The following SUGP2 variants were observed in gnomAD, a reference collection of about 807,000 sequenced individuals.
The protein encoded by SUGP2 is SURP and G-patch domain-containing protein 2.
SUGP2 carries 24 observed loss-of-function variants against 90.5 expected under a neutral mutation model. The ratio of observed to expected loss-of-function variants is 0.27; its 90% CI spans 0.19 to 0.37. SUGP2 has a LOEUF of 0.37. Among genes scored for constraint, SUGP2 ranks in the 10% least tolerant of loss-of-function variants. The pLI is 1.00. For missense variants in SUGP2, 1,233 were observed against 1,363.3 expected, an observed-to-expected ratio of 0.90 and a Z score of 1.51; for synonymous variants, 473 against 513.4, an observed-to-expected ratio of 0.92 and a Z score of 1.06.
At chr19:19,011,563 T>C (rs2058313814) in intron 4 of SUGP2, among the ~76,000 whole-genome samples, 1 of 152,240 alleles carries the variant, frequency 6.6e-6, no homozygotes, top group East Asian at 1.9e-4. Flanking sequence ...TAATTTCAGC[T>C]ATGATTACCC....
At chr19:19,007,755 CTTTT>C (rs34670209) in intron 6 of SUGP2, among the ~76,000 whole-genome samples, 8 of 113,404 alleles carry the variant, frequency 7.1e-5, no homozygotes, top group Admixed American at 1.9e-4. Flanking sequence ...TGCACCTAGC[CTTTT>C]TTTTTTTTTT....
intron 8 of SUGP2, 81 bp from the exon 9 acceptor site, chr19:18,995,361 C>A: frequency 7.0e-7 from 1 of 1,435,780 alleles, no homozygotes; most frequent in Non-Finnish European, 9.2e-7. Context: ...ATGCCTGGAG[C>A]CCCTCACCCC....
intron 1 of SUGP2, among the ~76,000 whole-genome samples, chr19:19,031,484 AGATCAT>A (rs1378808018): frequency 6.6e-6 from 1 of 151,568 alleles, no homozygotes; most frequent in Non-Finnish European, 1.5e-5. Flanking sequence ...CAGTGGGCCG[AGATCAT>A]GCCACTGCAC....
intron 5 of SUGP2, among the ~76,000 whole-genome samples, chr19:19,009,342 C>T (rs888025536): frequency 2.6e-5 from 4 of 152,048 alleles, no homozygotes; most frequent in Non-Finnish European, 5.9e-5. Flanking sequence ...GGCCAGAGAG[C>T]AGGCCTGTGG....
chr19:19,002,085 ATAAT>A (rs1347595976), intron 7 of SUGP2, among the ~76,000 whole-genome samples: 1 of 152,202 alleles, frequency 6.6e-6, no homozygotes, highest in Non-Finnish European at 1.5e-5. Context: ...TCACTGGGAA[ATAAT>A]TAAAGTCTGG....
intron 5 of SUGP2, among the ~76,000 whole-genome samples, chr19:19,008,986 A>G (rs2058197238): frequency 6.6e-6 from 1 of 152,042 alleles, no homozygotes; most frequent in Non-Finnish European, 1.5e-5. Flanking sequence ...ATCTTGGCTC[A>G]ATGCAACCTC....
intron 2 of SUGP2, among the ~76,000 whole-genome samples, chr19:19,028,762 G>A (rs1486540686): frequency 2.0e-5 from 3 of 151,944 alleles, no homozygotes; most frequent in Admixed American, 1.3e-4. Flanking sequence ...GCAGTGGTGC[G>A]ATCTCGGCTC....
At chr19:19,019,991 CAA>C (rs11434968) in intron 3 of SUGP2, among the ~76,000 whole-genome samples, 7 of 34,818 alleles carry the variant, frequency 2.0e-4, no homozygotes, top group African/African-American at 9.0e-4. Context: ...TGCTAAAATA[CAA>C]AAAAAAAAAA....
At chr19:18,994,569 C>A in intron 9 of SUGP2, 83 bp from the exon 10 acceptor site, 1 of 1,542,264 alleles carries the variant, frequency 6.5e-7, no homozygotes. Context: ...ACAAACAGTC[C>A]ATGAGATGCA....
chr19:19,027,703 T>G (rs1180635048), intron 2 of SUGP2, among the ~76,000 whole-genome samples: 1 of 151,656 alleles, frequency 6.6e-6, no homozygotes, highest in African/African-American at 2.4e-5. Flanking sequence ...AAGGGTGCGA[T>G]CTTGGCTCAC....
intron 2 of SUGP2, among the ~76,000 whole-genome samples, chr19:19,029,814 G>C (rs2059080407): frequency 6.6e-6 from 1 of 151,874 alleles, no homozygotes; most frequent in Non-Finnish European, 1.5e-5. Flanking sequence ...ATGGTGGCAG[G>C]CACCTGTAAT....
intron 2 of SUGP2, among the ~76,000 whole-genome samples, chr19:19,028,442 G>T (rs2059017546): frequency 6.6e-6 from 1 of 152,208 alleles, no homozygotes; most frequent in South Asian, 2.1e-4. Flanking sequence ...GTTCCTGCAA[G>T]AAATCCACTG....
intron 2 of SUGP2, 96 bp downstream of exon 2, chr19:19,030,855 T>G: frequency 7.5e-7 from 1 of 1,331,434 alleles, no homozygotes; most frequent in East Asian, 2.4e-5. Context: ...ATCAGAGGAC[T>G]GGTATTATTT....
intron 9 of SUGP2, 187 bp downstream of exon 9, chr19:18,994,957 G>GA (rs2145226922): frequency 1.4e-6 from 1 of 702,894 alleles, no homozygotes; most frequent in Non-Finnish European, 2.4e-6. Flanking sequence ...CACCAGGACA[G>GA]AAAGGAGCCC....
Position 19,024,987 on chromosome 19 carries a change from A to G in SUGP2, c.1361T>C (p.Val454Ala). 6.2e-7 allele frequency: 1 copy of G among 1,614,148 alleles called. No individual in the cohort carries two copies. The highest frequency in any genetic ancestry group is 8.5e-7 in the Non-Finnish European group (1 of 1,180,022). ...LMACNAYELS[V>A]KMKTLSNPLD... is the part of the protein sequence containing the mutation. ...GGGGTTACTGAGGGTCTTCATCTTG[A>G]CACTTAGCTCGTAGGCATTGCAGGC... Residue 454 changes from valine (V) to alanine (A), a missense_variant, in exon 3 of 11, where the codon GTC (valine) becomes GCC (alanine). This residue lies in a region of SUGP2 where 59 missense variants were observed against 92.6 expected (regional missense o/e 0.64). Coordinates refer to ENST00000452918, the MANE Select transcript of SUGP2 (RefSeq NM_001017392.5).
intron 3 of SUGP2, among the ~76,000 whole-genome samples, chr19:19,023,324 G>A (rs1170884754): frequency 1.3e-5 from 2 of 151,980 alleles, no homozygotes; most frequent in African/African-American, 4.8e-5. Context: ...CTGTTTTTTT[G>A]TTTTGGTTTA....
At chr19:19,006,025 C>G (rs1303632826) in intron 6 of SUGP2, among the ~76,000 whole-genome samples, 1 of 151,900 alleles carries the variant, frequency 6.6e-6, no homozygotes, top group Non-Finnish European at 1.5e-5. Context: ...GGTCAGGAAT[C>G]CAAGACTAGC....
At chr19:19,021,169 A>AAC (rs1215964096) in intron 3 of SUGP2, among the ~76,000 whole-genome samples, 2 of 151,418 alleles carry the variant, frequency 1.3e-5, no homozygotes, top group Non-Finnish European at 2.9e-5. Context: ...CAAAAAAAAA[A>AAC]AAAAAAAAAA....
Position 19,024,995 on chromosome 19 carries a change from C to A in SUGP2, c.1353G>T (p.Glu451Asp). The change falls in exon 3 of 11, where the codon GAG becomes GAT. Residue 451 changes from glutamate to aspartate, a missense_variant. Glu to Asp is a conservative substitution (Grantham distance 45, BLOSUM62 2). Coordinates refer to ENST00000452918, the MANE Select transcript of SUGP2 (RefSeq NM_001017392.5). ...TGAGGGTCTTCATCTTGACACTTAGCTCGTAGGCATTGCAGGCCATAAGCA... is the reference window on the plus strand; with the variant it reads ...TGAGGGTCTTCATCTTGACACTTAGATCGTAGGCATTGCAGGCCATAAGCA... ...TPLLMACNAY[E>D]LSVKMKTLSN... 6.2e-7 allele frequency: 1 copy of A among 1,614,176 alleles called. No homozygotes were observed. The highest frequency in any genetic ancestry group is 8.5e-7 in the Non-Finnish European group (1 of 1,180,022).
Sources: gnomAD v4.1 joint callset for allele counts (sites outside exome capture counted in the v4.1 genomes callset) on GRCh38, gnomAD v4.1.1 for gene constraint, gnomAD v4.1.1 regional missense constraint, MANE v1.5 for transcripts, NCBI Gene and HGNC (gene_info 2026-07-23, HGNC 2026-07-21) for gene names.